UTP15: variants seen among roughly 807,000 people sequenced by gnomAD.
The protein encoded by UTP15 is UTP15 small subunit processome component.
UTP15 carries 5 observed loss-of-function variants against 59.1 expected under a neutral mutation model. The ratio of observed to expected loss-of-function variants is 0.08; its 90% CI spans 0.04 to 0.18. UTP15 has a LOEUF of 0.18. Ranked by LOEUF, UTP15 falls within the 10% of genes least tolerant of loss-of-function variation. The pLI, the probability that UTP15 is intolerant of heterozygous loss-of-function variation, is 1.00. For missense variants in UTP15, 494 were observed against 616.7 expected (o/e 0.80, Z 2.11); for synonymous variants, 211 against 212.2 (o/e 0.99, Z 0.05).
intron 1 of UTP15, 131 bp from the exon 2 acceptor site, chr5:73,567,131 C>A (rs1747798806): frequency 3.5e-6 from 1 of 285,664 alleles, no homozygotes; most frequent in African/African-American, 2.2e-5. Context: ...ATTGCCTTTT[C>A]TGGGTTAGAA....
intron 12 of UTP15, among the ~76,000 whole-genome samples, 161 bp downstream of exon 12, chr5:73,579,536 A>C (rs2042148): frequency 0.022 from 3,390 of 152,308 alleles, 114 homozygotes; most frequent in African/African-American, 0.077. Context: ...TTTAAAAAGT[A>C]GTAAAATGTT....
chr5:73,582,442 T>G lies in UTP15; in HGVS notation c.*2348T>G, dbSNP rs1320134226. 6.6e-6 allele frequency: 1 copy of G among 152,258 alleles called. No individual in the cohort carries two copies. Among genetic ancestry groups the G allele is most frequent in the Non-Finnish European group, 1.5e-5 (1 of 68,046 alleles). 9.4% of individuals were successfully genotyped at this position (152,258 alleles called of 1,614,324 possible). A position where few individuals can be genotyped will look rare whatever the true frequency, so the allele number is the denominator to read the frequency against. ...TTCTGTTGTCCAGGCTGGAGTGTAG[T>G]GGTGTGATCATAGCTCACTGCAGCT... On this transcript the variant is annotated 3_prime_UTR_variant, in exon 13 of 13. Transcript: ENST00000296792.
At chr5:73,576,845 A>T in intron 7 of UTP15, 107 bp from the exon 8 acceptor site, 1 of 729,448 alleles carries the variant, frequency 1.4e-6, no homozygotes, top group Non-Finnish European at 2.3e-6. Flanking sequence ...GTTTTTCTTC[A>T]CTGTTGTACA....
intron 2 of UTP15, among the ~76,000 whole-genome samples, chr5:73,567,877 G>A (rs183054804): frequency 6.6e-6 from 1 of 152,170 alleles, no homozygotes. Context: ...GAAGCAAGAT[G>A]TGGAACAGCC....
chr5:73,578,954 G>T, intron 10 of UTP15, 63 bp from the exon 11 acceptor site: 5 of 1,584,522 alleles, frequency 3.2e-6, no homozygotes, highest in Non-Finnish European at 4.3e-6. Flanking sequence ...ATAATTTAGT[G>T]CAAGACAGTG....
In UTP15 at chr5:73,567,499, A is replaced by T. The variant is rs190709673; in HGVS notation, c.90+65A>T. The T allele has an allele frequency of 2.7e-3, 3,096 of 1,138,786 alleles. 7 individuals carry two copies. Among genetic ancestry groups the T allele is most frequent in the Non-Finnish European group, 3.0e-3 (2,388 of 795,300 alleles). The allele number at this position is 1,138,786 out of a possible 1,614,324, so 70.5% of individuals were successfully genotyped here. On this transcript the variant is annotated intron_variant, in intron 2 of 12. Transcript: ENST00000296792. ...TATGCCAATTTCTCTAGCATATGTT[A>T]TACTCTGGATGCTCTAACAGAGAAT...
At chr5:73,573,581 T>TG (rs1748005137) in intron 7 of UTP15, among the ~76,000 whole-genome samples, 2 of 148,856 alleles carry the variant, frequency 1.3e-5, no homozygotes, top group Non-Finnish European at 3.0e-5. Context: ...TAAATTAATT[T>TG]TTTTTTTTTT....
rs1748245837 is a variant in UTP15, at chr5:73,579,881, A to G, written c.1344A>G (p.Ile448Met). Residue 448 changes from isoleucine (I) to methionine (M), a missense_variant, in exon 13 of 13, where the codon ATA becomes ATG. By Grantham distance (10) the Ile-to-Met change is conservative. Coordinates refer to ENST00000296792, the MANE Select transcript of UTP15 (RefSeq NM_032175.4). ...LINAAEIIID[I>M]YLPVIGQSPV... ...GTTTTCTTTCTCTCTTTTTAGATAT[A>G]TATCTGCCTGTAATTGGTCAGTCCC... is the stretch of plus-strand genomic sequence containing the variant. 6.3e-7 allele frequency: 1 copy of G among 1,598,558 alleles called. No homozygotes were observed.
rs560314061 is a variant in UTP15, at chr5:73,582,950, G to A, written c.*2856G>A. ...TTTATGAGATTTAAGCACTTGGGAA[G>A]GTTTATGCTAATGGGGTCAAGCATT... On this transcript the variant is annotated 3_prime_UTR_variant, in exon 13 of 13. Transcript: ENST00000296792. The A allele has an allele frequency of 6.6e-6, 1 of 152,244 alleles. No individual in the cohort carries two copies. The highest frequency in any genetic ancestry group is 1.5e-5 in the Non-Finnish European group (1 of 68,008). 9.4% of individuals were successfully genotyped at this position (152,244 alleles called of 1,614,324 possible). A position where few individuals can be genotyped will look rare whatever the true frequency, so the allele number is the denominator to read the frequency against.
At chr5:73,571,974 T>C (rs1017229462) in intron 6 of UTP15, among the ~76,000 whole-genome samples, 1 of 152,172 alleles carries the variant, frequency 6.6e-6, no homozygotes, top group Non-Finnish European at 1.5e-5. Context: ...AGGGTTGGAC[T>C]AGATCAGTGA....
In UTP15 at chr5:73,565,904, T is replaced by C; in HGVS notation, c.-92T>C. 4.4e-6 allele frequency: 2 copies of C among 456,260 alleles called. No homozygotes were observed. Among genetic ancestry groups the C allele is most frequent in the South Asian group, 3.1e-5 (2 of 64,568 alleles). 28.3% of individuals were successfully genotyped at this position (456,260 alleles called of 1,614,324 possible). On this transcript the variant is annotated 5_prime_UTR_variant, in exon 1 of 13. Transcript: ENST00000296792. ...GGTGTCTCGTCGGACCCTTTGGGGC[T>C]CAGTGGAGGTAGGTGAAGGCGGCTC...
chr5:73,568,742 T>C (rs996567466), intron 4 of UTP15, 138 bp downstream of exon 4: 1 of 759,524 alleles, frequency 1.3e-6, no homozygotes, highest in Non-Finnish European at 2.0e-6. Flanking sequence ...CTGATTGTTC[T>C]AAGAGTGCTT....
intron 4 of UTP15, among the ~76,000 whole-genome samples, chr5:73,569,128 G>A (rs1298571336): frequency 6.6e-6 from 1 of 152,162 alleles, no homozygotes; most frequent in Non-Finnish European, 1.5e-5. Flanking sequence ...AGAAATTTAT[G>A]TAACATGATT....
chr5:73,572,392 A>T, intron 6 of UTP15, 97 bp from the exon 7 acceptor site: 1 of 1,505,492 alleles, frequency 6.6e-7, no homozygotes. Context: ...CTCAGCCTCC[A>T]TGCTTTGTGG....
chr5:73,567,989 G>C (rs1340381853), intron 2 of UTP15, among the ~76,000 whole-genome samples: 2 of 152,160 alleles, frequency 1.3e-5, no homozygotes, highest in Non-Finnish European at 2.9e-5. Flanking sequence ...AGAAATCACA[G>C]TAAACTCAAT....
chr5:73,567,949 G>C (rs1747829230), intron 2 of UTP15, among the ~76,000 whole-genome samples: 1 of 152,148 alleles, frequency 6.6e-6, no homozygotes, highest in South Asian at 2.1e-4. Context: ...TTGTATGCTG[G>C]TGTAGACATG....
intron 9 of UTP15, 23 bp downstream of exon 9, chr5:73,578,028 T>G: frequency 1.3e-6 from 2 of 1,574,162 alleles, no homozygotes; most frequent in Non-Finnish European, 1.7e-6. Context: ...TTCTCATATT[T>G]GTTTAAAGGG....
In UTP15 at chr5:73,569,777, A is replaced by G. The variant is rs192501957; in HGVS notation, c.547+102A>G. 3,732 of 919,910 alleles carry G rather than the reference A, an allele frequency of 4.1e-3. 12 individuals are homozygous for G. Among genetic ancestry groups the G allele is most frequent in the Non-Finnish European group, 4.2e-3 (2,680 of 638,332 alleles). The allele number at this position is 919,910 out of a possible 1,614,324, so 57.0% of individuals were successfully genotyped here. On this transcript the variant is annotated intron_variant, in intron 5 of 12. Coordinates refer to ENST00000296792, the MANE Select transcript of UTP15 (RefSeq NM_032175.4). ...GGATGGAGGGGTTTAAATTTTTTTT[A>G]TAAAGGAATATGTTTCTGATTAATT...
chr5:73,579,779 C>A, intron 12 of UTP15, 98 bp from the exon 13 acceptor site: 2 of 643,286 alleles, frequency 3.1e-6, no homozygotes, highest in Non-Finnish European at 2.5e-6. Context: ...TTTCAGTGTT[C>A]TTATGTTTAA....
Sources: gnomAD v4.1 joint callset for allele counts (sites outside exome capture counted in the v4.1 genomes callset) on GRCh38, gnomAD v4.1.1 for gene constraint, MANE v1.5 for transcripts, NCBI Gene and HGNC (gene_info 2026-07-23, HGNC 2026-07-21) for gene names.